The following APBA2 variants were observed in gnomAD, a reference collection of about 807,000 sequenced individuals.
APBA2 encodes the protein amyloid beta precursor protein binding family A member 2, also known as amyloid-beta A4 precursor protein-binding family A member 2.
Under a neutral mutation model 75.0 loss-of-function variants are expected in APBA2, and 30 were observed. The ratio of observed to expected loss-of-function variants is 0.40; its 90% CI spans 0.30 to 0.54. The LOEUF (loss-of-function observed/expected upper bound fraction) is 0.54. APBA2 is among the 20% of genes least tolerant of loss of function. The pLI is 0.49. For missense variants in APBA2, 801 were observed against 1,016.1 expected (o/e 0.79, Z 2.88); for synonymous variants, 444 against 409.6 (o/e 1.08, Z -1.01).
At chr15:29,076,008 C>A (rs1264521497) in intron 5 of APBA2, 47 bp from the exon 6 acceptor site, 1 of 1,565,602 alleles carries the variant, frequency 6.4e-7, no homozygotes. Context: ...TGTGGGCTAC[C>A]TACTTAACAA....
chr15:29,098,442 A>AAG lies in APBA2; in HGVS notation c.1252-48_1252-47insAG, dbSNP rs1455984170. On this transcript the variant is annotated intron_variant, in intron 8 of 14. Transcript: ENST00000683413. ...TCATAATGCTATTTGCATGTCCTCTATTCCGAGTTGGTTTTTGGACTTTAA... is the reference window on the plus strand; with the variant it reads ...TCATAATGCTATTTGCATGTCCTCTAAGTTCCGAGTTGGTTTTTGGACTTTAA... 5 of 1,358,222 alleles carry AAG rather than the reference A, an allele frequency of 3.7e-6. No individual in the cohort carries two copies. The East Asian group carries it at 1.1e-4, about 31-fold the overall frequency. The allele number at this position is 1,358,222 out of a possible 1,614,324, so 84.1% of individuals were successfully genotyped here.
At chr15:29,069,396 A>G (rs2042520112) in intron 4 of APBA2, among the ~76,000 whole-genome samples, 1 of 152,222 alleles carries the variant, frequency 6.6e-6, no homozygotes, top group Non-Finnish European at 1.5e-5. Flanking sequence ...TTCCTGGGTC[A>G]TGTGGTTATT....
chr15:29,117,676 T>C lies in APBA2; in HGVS notation c.*543T>C, dbSNP rs1265847054. The C allele has an allele frequency of 6.2e-6, 1 of 160,680 alleles. No homozygotes were observed. Among genetic ancestry groups the C allele is most frequent in the East Asian group, 1.8e-4 (1 of 5,488 alleles). 10.0% of individuals were successfully genotyped at this position (160,680 alleles called of 1,614,324 possible). On this transcript the variant is annotated 3_prime_UTR_variant, in exon 15 of 15. Coordinates refer to ENST00000683413, the MANE Select transcript of APBA2 (RefSeq NM_001353788.2). Reference sequence around the variant, plus strand: ...TGAAAGTTTGGGGACATGTGATTGATTGATTGATTGTAAATAAAGGATGAT... The same window carrying C: ...TGAAAGTTTGGGGACATGTGATTGACTGATTGATTGTAAATAAAGGATGAT...
intron 3 of APBA2, among the ~76,000 whole-genome samples, chr15:29,019,751 T>G (rs1002547310): frequency 6.6e-6 from 1 of 152,262 alleles, no homozygotes; most frequent in African/African-American, 2.4e-5. Context: ...TAATGAACAC[T>G]TTCCTACTGA....
Position 29,023,441 on chromosome 15 carries a change from C to CTTTTTTTT in APBA2, c.-41+27660_-41+27667dup, listed in dbSNP as rs10604525. ...ATTTGATGGCCATTATACCTTTTTC[C>CTTTTTTTT]TTTTTTTTTTTTTTTTTTTTTTTTT... On this transcript the variant is annotated intron_variant, in intron 3 of 14. Coordinates refer to ENST00000683413, the MANE Select transcript of APBA2 (RefSeq NM_001353788.2). Among the ~76,000 whole-genome samples the CTTTTTTTT allele has an allele frequency of 5.0e-3, 363 of 73,330 alleles. 16 individuals are homozygous for CTTTTTTTT. The highest frequency in any genetic ancestry group is 6.9e-3 in the Non-Finnish European group (287 of 41,396). The allele number at this position is 73,330 out of a possible 152,430, so 48.1% of individuals were successfully genotyped here. A position where few individuals can be genotyped will look rare whatever the true frequency, so the allele number is the denominator to read the frequency against.
chr15:29,052,213 TTA>T (rs2041626952), intron 3 of APBA2, among the ~76,000 whole-genome samples: 1 of 152,006 alleles, frequency 6.6e-6, no homozygotes, highest in Non-Finnish European at 1.5e-5. Context: ...CCCAGCACTT[TTA>T]GAGGCCGAGG....
At chr15:28,896,938 TGGAACCTTCCA>T (rs1412489458) in intron 1 of APBA2, among the ~76,000 whole-genome samples, 1 of 152,168 alleles carries the variant, frequency 6.6e-6, no homozygotes, top group Non-Finnish European at 1.5e-5. Flanking sequence ...TGTTCCTTAT[TGGAACCTTCCA>T]GGCTGGCATA....
At chr15:29,052,481 T>G (rs1000180703) in intron 3 of APBA2, among the ~76,000 whole-genome samples, 2 of 133,896 alleles carry the variant, frequency 1.5e-5, no homozygotes, top group Admixed American at 7.3e-5. Flanking sequence ...AGTAGAACGT[T>G]AAGCAAACTT....
At chr15:29,000,315 G>A (rs1296487889) in intron 3 of APBA2, among the ~76,000 whole-genome samples, 1 of 152,194 alleles carries the variant, frequency 6.6e-6, no homozygotes, top group East Asian at 1.9e-4. Flanking sequence ...CCTGAGAAGG[G>A]GGACTTTGAG....
chr15:28,957,930 C>T (rs2036261315), intron 2 of APBA2, among the ~76,000 whole-genome samples: 1 of 152,210 alleles, frequency 6.6e-6, no homozygotes, highest in Non-Finnish European at 1.5e-5. Context: ...AAGCCCACCA[C>T]ATTTGGCCTA....
At chr15:29,075,106 C>T (rs2042793087) in intron 5 of APBA2, 105 bp downstream of exon 5, 3 of 897,762 alleles carry the variant, frequency 3.3e-6, no homozygotes, top group Non-Finnish European at 3.6e-6. Flanking sequence ...GTTCTCATCC[C>T]ACCCGGTGCC....
At chr15:29,064,372 C>T (rs2042285109) in intron 4 of APBA2, among the ~76,000 whole-genome samples, 1 of 152,204 alleles carries the variant, frequency 6.6e-6, no homozygotes, top group African/African-American at 2.4e-5. Context: ...AAATTGGCAC[C>T]TGCCACGTGG....
chr15:28,938,593 C>T (rs550334577), intron 2 of APBA2, among the ~76,000 whole-genome samples: 4 of 152,288 alleles, frequency 2.6e-5, no homozygotes, highest in South Asian at 2.1e-4. Context: ...ACTGCACCCT[C>T]CACCTCCCTG....
intron 3 of APBA2, among the ~76,000 whole-genome samples, chr15:29,005,823 C>A (rs1371901843): frequency 2.0e-5 from 3 of 152,108 alleles, no homozygotes; most frequent in African/African-American, 7.2e-5. Context: ...GAGATCATGC[C>A]ACTGCACTCC....
intron 6 of APBA2, among the ~76,000 whole-genome samples, chr15:29,080,525 T>A (rs1481063966): frequency 6.6e-6 from 1 of 151,942 alleles, no homozygotes; most frequent in African/African-American, 2.4e-5. Flanking sequence ...GTTCTCGGGG[T>A]CTAGCGACCC....
rs147473848 is a variant in APBA2 at position 29,093,723 on chromosome 15, G to A, written c.1215+503G>A. Among the ~76,000 whole-genome samples the A allele has an allele frequency of 6.1e-3, 926 of 152,264 alleles. 6 individuals carry two copies. The highest frequency in any genetic ancestry group is 0.02 in the Middle Eastern group (6 of 294). On this transcript the variant is annotated intron_variant, in intron 7 of 14. Coordinates refer to ENST00000683413, the MANE Select transcript of APBA2 (RefSeq NM_001353788.2). ...CACGTCAGCAAAATTAAATGGGGTC[G>A]GCGGGGAGGGGATGCAGCCATCTGA... is the stretch of plus-strand genomic sequence containing the variant.
intron 4 of APBA2, among the ~76,000 whole-genome samples, chr15:29,073,481 G>T (rs2042714099): frequency 6.6e-6 from 1 of 152,170 alleles, no homozygotes; most frequent in African/African-American, 2.4e-5. Context: ...CTCCCGTGTA[G>T]CTGGGATTAC....
chr15:28,916,305 C>T (rs1321212374), intron 1 of APBA2, among the ~76,000 whole-genome samples: 1 of 152,208 alleles, frequency 6.6e-6, no homozygotes, highest in East Asian at 1.9e-4. Flanking sequence ...GTCCTGCTTC[C>T]TCCCCTTGCA....
intron 5 of APBA2, 117 bp downstream of exon 5, chr15:29,075,118 G>T (rs1447615340): frequency 2.4e-6 from 2 of 837,420 alleles, no homozygotes; most frequent in Non-Finnish European, 4.0e-6. Context: ...CCCGGTGCCT[G>T]GGGGAGAGGG....
Sources: allele counts gnomAD v4.1 joint callset (sites outside exome capture counted in the v4.1 genomes callset), GRCh38; gene constraint gnomAD v4.1.1; transcripts MANE v1.5; gene names NCBI Gene and HGNC (gene_info 2026-07-23, HGNC 2026-07-21).